The following SUCLG2 variants were observed in gnomAD, a reference collection of about 807,000 sequenced individuals.
SUCLG2 encodes the protein succinate--CoA ligase [GDP-forming] subunit beta, mitochondrial.
SUCLG2 carries 42 observed loss-of-function variants against 47.9 expected under a neutral mutation model. The observed-to-expected ratio is 0.88, with a 90% CI of 0.69 to 1.14. SUCLG2 has a LOEUF of 1.14. Ranked by LOEUF, SUCLG2 falls within the 50% of genes most tolerant of loss-of-function variation. The pLI, the probability that SUCLG2 is intolerant of heterozygous loss-of-function variation, is 0.00. For missense variants in SUCLG2, 571 were observed against 525.9 expected, an observed-to-expected ratio of 1.09 and a Z score of -0.84; for synonymous variants, 195 against 197.3, an observed-to-expected ratio of 0.99 and a Z score of 0.10.
intron 10 of SUCLG2, among the ~76,000 whole-genome samples, chr3:67,399,519 T>A (rs902453265): frequency 3.3e-5 from 5 of 152,170 alleles, no homozygotes; most frequent in African/African-American, 9.6e-5. Context: ...CACTATAAAG[T>A]CAAATTCAAA....
At chr3:67,649,299 G>A (rs1366828883) in intron 1 of SUCLG2, among the ~76,000 whole-genome samples, 1 of 152,154 alleles carries the variant, frequency 6.6e-6, no homozygotes, top group Non-Finnish European at 1.5e-5. Flanking sequence ...GTACCTCTGT[G>A]CCCTCTGAAG....
At chr3:67,495,058 G>A (rs1198645409) in intron 9 of SUCLG2, among the ~76,000 whole-genome samples, 1 of 152,126 alleles carries the variant, frequency 6.6e-6, no homozygotes, top group Non-Finnish European at 1.5e-5. Context: ...AGAAGGTGGG[G>A]CCATTATTTC....
At chr3:67,422,503 A>AAAAAAAAAAAAAAAG (rs869292892) in intron 9 of SUCLG2, among the ~76,000 whole-genome samples, 1 of 130,268 alleles carries the variant, frequency 7.7e-6, no homozygotes, top group African/African-American at 2.8e-5. Flanking sequence ...AAAAAAAAAA[A>AAAAAAAAAAAAAAAG]GAACATTCAA....
chr3:67,428,733 A>C (rs1703377000), intron 9 of SUCLG2, among the ~76,000 whole-genome samples: 1 of 152,200 alleles, frequency 6.6e-6, no homozygotes, highest in African/African-American at 2.4e-5. Flanking sequence ...TAACTAGAAT[A>C]AACAGCATAG....
chr3:67,536,002 C>T (rs1049875609), intron 2 of SUCLG2, among the ~76,000 whole-genome samples: 1 of 152,184 alleles, frequency 6.6e-6, no homozygotes, highest in African/African-American at 2.4e-5. Flanking sequence ...AAATGAACAG[C>T]TCTGAAACGT....
intron 2 of SUCLG2, among the ~76,000 whole-genome samples, chr3:67,561,672 C>T (rs2107216992): frequency 6.6e-6 from 1 of 152,204 alleles, no homozygotes; most frequent in East Asian, 1.9e-4. Flanking sequence ...TTCTTTTTGC[C>T]CCCCTACTCT....
chr3:67,532,719 T>C (rs1008960557), intron 2 of SUCLG2, among the ~76,000 whole-genome samples: 1 of 152,216 alleles, frequency 6.6e-6, no homozygotes, highest in African/African-American at 2.4e-5. Flanking sequence ...AACTTATAAA[T>C]ATGTAAGACT....
chr3:67,556,470 T>C (rs1707164847), intron 2 of SUCLG2, among the ~76,000 whole-genome samples: 1 of 152,238 alleles, frequency 6.6e-6, no homozygotes, highest in African/African-American at 2.4e-5. Context: ...TATATTGTAC[T>C]TGGAATTTTT....
At chr3:67,386,213 C>G (rs1674385186) in intron 10 of SUCLG2, among the ~76,000 whole-genome samples, 1 of 151,958 alleles carries the variant, frequency 6.6e-6, no homozygotes, top group African/African-American at 2.4e-5. Context: ...CTCAGCCTCC[C>G]AAGTAGTTGG....
Position 67,393,303 on chromosome 3 carries a change from G to A in SUCLG2, c.1183+7428C>T, listed in dbSNP as rs569305228. On this transcript the variant is annotated intron_variant, in intron 10 of 10. Transcript: ENST00000307227. ...GGTGACAGATGGCACCTGGAAAATC[G>A]GGTCACTCCCACCCGAATACTGCGC... Among the ~76,000 whole-genome samples, 278 of 152,326 alleles carry A rather than the reference G, an allele frequency of 1.8e-3. 3 individuals are homozygous for A. Among genetic ancestry groups the A allele is most frequent in the Middle Eastern group, 0.014 (4 of 294 alleles).
chr3:67,544,752 G>C (rs1357145695), intron 2 of SUCLG2, among the ~76,000 whole-genome samples: 1 of 152,092 alleles, frequency 6.6e-6, no homozygotes, highest in East Asian at 1.9e-4. Flanking sequence ...ATTTCTGTTT[G>C]GCTTTCATGG....
intron 10 of SUCLG2, among the ~76,000 whole-genome samples, chr3:67,366,442 G>C (rs1701876494): frequency 6.6e-6 from 1 of 152,206 alleles, no homozygotes; most frequent in Non-Finnish European, 1.5e-5. Context: ...AGCATGTCTG[G>C]ATTACTCATT....
At chr3:67,560,890 A>G (rs1019527823) in intron 2 of SUCLG2, among the ~76,000 whole-genome samples, 1 of 151,676 alleles carries the variant, frequency 6.6e-6, no homozygotes, top group Admixed American at 6.6e-5. Flanking sequence ...TCAGTGATCA[A>G]TTAAAACAGA....
intron 9 of SUCLG2, among the ~76,000 whole-genome samples, chr3:67,433,191 T>C (rs1703531002): frequency 6.6e-6 from 1 of 152,110 alleles, no homozygotes. Context: ...AGCTACCCCA[T>C]AGAACACCAC....
At chr3:67,408,573 T>C (rs769352055) in intron 9 of SUCLG2, 5 of 967,736 alleles carry the variant, frequency 5.2e-6, no homozygotes, top group Non-Finnish European at 6.2e-6. Flanking sequence ...TCCATTCAGG[T>C]TGACCTCTGA....
chr3:67,421,330 G>A (rs973175236), intron 9 of SUCLG2, among the ~76,000 whole-genome samples: 2 of 152,052 alleles, frequency 1.3e-5, no homozygotes, highest in African/African-American at 2.4e-5. Context: ...CTAGACACAC[G>A]CTAACAGAGT....
intron 2 of SUCLG2, among the ~76,000 whole-genome samples, chr3:67,596,302 C>G (rs937589737): frequency 1.2e-4 from 18 of 152,180 alleles, no homozygotes; most frequent in African/African-American, 4.3e-4. Context: ...GTTATTACTT[C>G]TCTGTTTAAA....
intron 10 of SUCLG2, among the ~76,000 whole-genome samples, chr3:67,394,965 C>G (rs1243389939): frequency 6.6e-6 from 1 of 151,998 alleles, no homozygotes; most frequent in African/African-American, 2.4e-5. Context: ...TACAGACAAG[C>G]AAATGCTGAG....
At chr3:67,477,376 T>C (rs1704791012) in intron 9 of SUCLG2, among the ~76,000 whole-genome samples, 1 of 152,198 alleles carries the variant, frequency 6.6e-6, no homozygotes, top group African/African-American at 2.4e-5. Context: ...TTCACAGTAC[T>C]TCTCACAATC....
Sources: allele counts gnomAD v4.1 joint callset (sites outside exome capture counted in the v4.1 genomes callset), GRCh38; gene constraint gnomAD v4.1.1; transcripts MANE v1.5; gene names NCBI Gene and HGNC (gene_info 2026-07-23, HGNC 2026-07-21).